Variants in SPC24 observed in about 807,000 individuals in gnomAD.
SPC24 encodes kinetochore protein Spc24.
A neutral mutation model predicts 27.6 loss-of-function variants in SPC24; 31 were observed. The ratio of observed to expected loss-of-function variants is 1.12; its 90% confidence interval spans 0.84 to 1.52. The LOEUF (loss-of-function observed/expected upper bound fraction) is 1.52, where lower values mean the gene tolerates loss of function less well. Ranked by LOEUF, SPC24 falls within the 40% of genes most tolerant of loss-of-function variation. SPC24 has a pLI of 0.00. For missense variants in SPC24, 284 were observed against 252.5 expected, an observed-to-expected ratio of 1.12 and a Z score of -0.84; for synonymous variants, 105 against 105.8, an observed-to-expected ratio of 0.99 and a Z score of 0.05.
In SPC24 at chr19:11,153,345, G is replaced by A. The variant is rs568593652; in HGVS notation, c.160+2272C>T. On this transcript the variant is annotated intron_variant, in intron 1 of 4. Coordinates refer to ENST00000592540, the MANE Select transcript of SPC24 (RefSeq NM_182513.4). ...CGGGTGCCTGTAGTCCCAGCTACTCGGGAGGCTGAGGCAGAATGGTGTGAA... is the reference window on the plus strand; with the variant it reads ...CGGGTGCCTGTAGTCCCAGCTACTCAGGAGGCTGAGGCAGAATGGTGTGAA... Among the ~76,000 whole-genome samples, 42 of 152,086 alleles carry A rather than the reference G, an allele frequency of 2.8e-4. 2 individuals are homozygous for A. The South Asian group carries it at 7.0e-3, about 26-fold the overall frequency.
At chr19:11,151,662 T>G (rs1600791067) in intron 1 of SPC24, among the ~76,000 whole-genome samples, 1 of 151,420 alleles carries the variant, frequency 6.6e-6, no homozygotes, top group Non-Finnish European at 1.5e-5. Context: ...CAGGCTGGAG[T>G]GCAATGGCAC....
chr19:11,151,636 G>T (rs1191113754), intron 1 of SPC24, among the ~76,000 whole-genome samples: 2 of 151,028 alleles, frequency 1.3e-5, no homozygotes, highest in South Asian at 4.2e-4. Context: ...GGGGGATGGA[G>T]TCTTGCCCTG....
At chr19:11,151,249 T>G (rs145686791) in intron 1 of SPC24, among the ~76,000 whole-genome samples, 19 of 151,350 alleles carry the variant, frequency 1.3e-4, no homozygotes, top group Non-Finnish European at 2.1e-4. Flanking sequence ...GAGTATGACA[T>G]GTATATGGTT....
intron 1 of SPC24, among the ~76,000 whole-genome samples, chr19:11,152,771 GGAA>G (rs2077881949): frequency 6.6e-6 from 1 of 152,040 alleles, no homozygotes; most frequent in Non-Finnish European, 1.5e-5. Flanking sequence ...ATGGAGGGGT[GGAA>G]GAAGGAGGAG....
chr19:11,151,663 G>A (rs1233478048), intron 1 of SPC24, among the ~76,000 whole-genome samples: 1 of 151,870 alleles, frequency 6.6e-6, no homozygotes, highest in Non-Finnish European at 1.5e-5. Context: ...AGGCTGGAGT[G>A]CAATGGCACG....
intron 4 of SPC24, 50 bp downstream of exon 4, chr19:11,147,768 G>A: frequency 6.6e-7 from 1 of 1,513,988 alleles, no homozygotes; most frequent in Non-Finnish European, 9.1e-7. Context: ...ACCATTTTAT[G>A]TCCCTACCTA....
intron 1 of SPC24, among the ~76,000 whole-genome samples, chr19:11,149,712 CTT>C (rs546646293): frequency 9.3e-5 from 13 of 140,520 alleles, no homozygotes; most frequent in Non-Finnish European, 1.3e-4. Context: ...AAAACCCTGT[CTT>C]TTTTTTTTTT....
intron 1 of SPC24, 122 bp from the exon 2 acceptor site, chr19:11,149,360 A>T: frequency 1.1e-6 from 1 of 888,666 alleles, no homozygotes; most frequent in South Asian, 2.8e-5. Flanking sequence ...CCCTGTGTCC[A>T]GAGAGTTCTA....
At chr19:11,147,640 C>T (rs1056790652) in intron 4 of SPC24, 178 bp downstream of exon 4, 16 of 625,402 alleles carry the variant, frequency 2.6e-5, no homozygotes, top group African/African-American at 3.7e-5. Context: ...CTCACTGATA[C>T]CCAGGCTGGT....
In SPC24 at chr19:11,147,097, A is replaced by AAAT; in HGVS notation, c.*85_*86insATT. On this transcript the variant is annotated 3_prime_UTR_variant, in exon 5 of 5. Coordinates refer to ENST00000592540, the MANE Select transcript of SPC24 (RefSeq NM_182513.4). ...CTCTGTCTCAAAAAAAAAAAAAAAA[A>AAAT]GATCTATGTCCCCACATTTCATTTG... The AAAT allele has an allele frequency of 1.3e-6, 1 of 742,578 alleles. No homozygotes were observed. Among genetic ancestry groups the AAAT allele is most frequent in the Non-Finnish European group, 2.1e-6 (1 of 479,696 alleles). The allele number at this position is 742,578 out of a possible 1,614,324, so 46.0% of individuals were successfully genotyped here. A position where few individuals can be genotyped will look rare whatever the true frequency, so the allele number is the denominator to read the frequency against.
chr19:11,147,611 T>C (rs911354868), intron 4 of SPC24: 27 of 591,540 alleles, frequency 4.6e-5, no homozygotes, highest in Non-Finnish European at 5.1e-5. Flanking sequence ...CTTTACTATA[T>C]TTATTATAGA....
In SPC24 at chr19:11,146,513, C is replaced by G. The variant is rs1319088168; in HGVS notation, c.*670G>C. On this transcript the variant is annotated 3_prime_UTR_variant, in exon 5 of 5. Transcript: ENST00000592540. ...AGGCGCGGTGACTCACACCTGTAAT[C>G]CCAGCACTTTGGGAGGCCAAGGCGG... 1 of 134,972 alleles carries G rather than the reference C, an allele frequency of 7.4e-6. No homozygotes were observed. The highest frequency in any genetic ancestry group is 2.8e-5 in the African/African-American group (1 of 36,028). 8.4% of individuals were successfully genotyped at this position (134,972 alleles called of 1,614,324 possible).
At chr19:11,147,576 G>T in intron 4 of SPC24, 1 of 574,024 alleles carries the variant, frequency 1.7e-6, no homozygotes, top group Non-Finnish European at 3.1e-6. Context: ...TTACAGGCGT[G>T]AGGTACCACA....
At chr19:11,152,369 C>G (rs1371340821) in intron 1 of SPC24, among the ~76,000 whole-genome samples, 5 of 152,114 alleles carry the variant, frequency 3.3e-5, no homozygotes, top group South Asian at 4.1e-4. Context: ...GCCACAACGG[C>G]CAGCTAATTT....
intron 1 of SPC24, among the ~76,000 whole-genome samples, chr19:11,151,894 C>A (rs1234617484): frequency 6.7e-6 from 1 of 149,774 alleles, no homozygotes; most frequent in East Asian, 2.0e-4. Flanking sequence ...AGGTGTGAGC[C>A]ACCGCACCAG....
At chr19:11,153,244 G>A (rs1010935426) in intron 1 of SPC24, among the ~76,000 whole-genome samples, 1 of 151,080 alleles carries the variant, frequency 6.6e-6, no homozygotes, top group Non-Finnish European at 1.5e-5. Flanking sequence ...AGGAGATCGA[G>A]ACCATCCTGG....
rs779458003 is a variant in SPC24, at chr19:11,149,222, C to T, written c.177G>A (p.Glu59=). The T allele has an allele frequency of 6.5e-7, 1 of 1,548,074 alleles. No homozygotes were observed. Among genetic ancestry groups the T allele is most frequent in the East Asian group, 2.5e-5 (1 of 40,804 alleles). ...TGAGAAGGCTCTGGGCCACTTCCTT[C>T]TCCATGGTGAGGATCTCTGCAGGGT... is the stretch of plus-strand genomic sequence containing the variant. The part of the protein sequence containing the change: ...EKQLREILTM[E]KEVAQSLLNA... The change falls in exon 2 of 5, where the codon GAG becomes GAA. Residue 59 remains glutamate (E), a synonymous_variant. Coordinates refer to ENST00000592540, the MANE Select transcript of SPC24 (RefSeq NM_182513.4).
chr19:11,145,859 T>C lies in SPC24; in HGVS notation c.*1324A>G, dbSNP rs2077819722. On this transcript the variant is annotated 3_prime_UTR_variant, in exon 5 of 5. Coordinates refer to ENST00000592540, the MANE Select transcript of SPC24 (RefSeq NM_182513.4). ...CTTAACTATAAGGGCAGCTGGGAAG[T>C]GTTGTATTTTAACTCCCAAAGTGCT... 1 of 152,122 alleles carries C rather than the reference T, an allele frequency of 6.6e-6. No individual in the cohort carries two copies. The allele number at this position is 152,122 out of a possible 1,614,324, so 9.4% of individuals were successfully genotyped here. A position where few individuals can be genotyped will look rare whatever the true frequency, so the allele number is the denominator to read the frequency against.
In SPC24 at chr19:11,148,008, C is replaced by A. The variant is rs768943539; in HGVS notation, c.410+5G>T. 1.9e-6 allele frequency: 3 copies of A among 1,613,154 alleles called. No homozygotes were observed. Among genetic ancestry groups the A allele is most frequent in the South Asian group, 1.1e-5 (1 of 91,024 alleles). Reference sequence around the variant, plus strand: ...CAGGCAGGCACACGTTTTGGCAGAACCTACACGGCCGAGGGGATTGTGACT... The same window carrying A: ...CAGGCAGGCACACGTTTTGGCAGAAACTACACGGCCGAGGGGATTGTGACT... On this transcript the variant is annotated splice_donor_5th_base_variant and intron_variant, in intron 3 of 4. Coordinates refer to ENST00000592540, the MANE Select transcript of SPC24 (RefSeq NM_182513.4).
Sources: gnomAD v4.1 joint callset for allele counts (sites outside exome capture counted in the v4.1 genomes callset) on GRCh38, gnomAD v4.1.1 for gene constraint, MANE v1.5 for transcripts, NCBI Gene and HGNC (gene_info 2026-07-23, HGNC 2026-07-21) for gene names.